Variants in GRIN2A observed in about 807,000 individuals in gnomAD.
The protein encoded by GRIN2A is glutamate ionotropic receptor NMDA type subunit 2A.
A neutral mutation model predicts 113.4 loss-of-function variants in GRIN2A; 22 were observed. That is an observed-to-expected ratio of 0.19 (90% CI 0.14 to 0.28). The LOEUF (loss-of-function observed/expected upper bound fraction) is 0.28, where lower values mean the gene tolerates loss of function less well. Ranked by LOEUF, GRIN2A falls within the 10% of genes least tolerant of loss-of-function variation. The probability of loss-of-function intolerance (pLI) is 1.00; values close to 1 mark genes in which losing one functional copy is unlikely to be tolerated. For synonymous variants in GRIN2A, 827 were observed against 738.4 expected, an observed-to-expected ratio of 1.12 and a Z score of -1.94; for missense variants, 1,502 against 1,887.0, an observed-to-expected ratio of 0.80 and a Z score of 3.78.
rs200499231 is a variant in GRIN2A at position 10,166,215 on chromosome 16, AAG to A, written c.414+13781_414+13782del. Among the ~76,000 whole-genome samples the A allele has an allele frequency of 4.2e-3, 639 of 152,344 alleles. 6 individuals carry two copies. Among genetic ancestry groups the A allele is most frequent in the African/African-American group, 0.014 (598 of 41,574 alleles). ...TTCCTGGGCAGGTATTCCTAATTTG[AAG>A]AGACAAGATAGAGCAGGAGACATTC... On this transcript the variant is annotated intron_variant, in intron 2 of 12. Transcript: ENST00000330684.
chr16:10,131,458 C>T (rs2049061876), intron 2 of GRIN2A, among the ~76,000 whole-genome samples: 1 of 145,064 alleles, frequency 6.9e-6, no homozygotes, highest in South Asian at 2.4e-4. Context: ...AGTCTCTTCT[C>T]ACCACTTATC....
At position 9,754,198 on chromosome 16, in the gene GRIN2A, T is replaced by C. The variant is rs1369258089; in HGVS notation, c.*8951A>G. On this transcript the variant is annotated 3_prime_UTR_variant, in exon 13 of 13. Coordinates refer to ENST00000330684, the MANE Select transcript of GRIN2A (RefSeq NM_001134407.3). Reference sequence around the variant, plus strand: ...TATACACATAAACATTCTGGGGTGATATAAACTATGGTGAATTCTGCCAAT... The same window carrying C: ...TATACACATAAACATTCTGGGGTGACATAAACTATGGTGAATTCTGCCAAT... 2 of 189,964 alleles carry C rather than the reference T, an allele frequency of 1.1e-5. No homozygotes were observed. The highest frequency in any genetic ancestry group is 4.7e-5 in the African/African-American group (2 of 42,968). The allele number at this position is 189,964 out of a possible 1,614,324, so 11.8% of individuals were successfully genotyped here.
At chr16:10,151,883 T>C (rs1379625339) in intron 2 of GRIN2A, among the ~76,000 whole-genome samples, 5 of 152,196 alleles carry the variant, frequency 3.3e-5, no homozygotes, top group Non-Finnish European at 7.3e-5. Flanking sequence ...ACCCTCCTCA[T>C]CTGACACTAC....
chr16:9,900,533 A>C (rs956151018), intron 3 of GRIN2A, among the ~76,000 whole-genome samples: 2 of 152,108 alleles, frequency 1.3e-5, no homozygotes, highest in African/African-American at 2.4e-5. Flanking sequence ...CCTCCTCCCA[A>C]CTCCACAGAG....
intron 9 of GRIN2A, among the ~76,000 whole-genome samples, chr16:9,826,482 C>T (rs574673561): frequency 7.2e-5 from 11 of 152,114 alleles, no homozygotes; most frequent in Non-Finnish European, 7.4e-5. Context: ...GGCTTAAAAG[C>T]ATTGTAAACC....
intron 2 of GRIN2A, among the ~76,000 whole-genome samples, chr16:10,144,945 G>C (rs1279360282): frequency 2.1e-4 from 26 of 123,282 alleles, no homozygotes; most frequent in African/African-American, 7.5e-4. Flanking sequence ...AAAAAAGAGA[G>C]ATGAATGAAT....
rs1247927782 is a variant in GRIN2A at position 10,180,559 on chromosome 16, G to T, written c.-18-130C>A. Reference sequence around the variant, plus strand: ...CAGCAGGATAGGCTGCTGGGATCACGGACTCCATTCCGAGTCCCCGACGCC... The same window carrying T: ...CAGCAGGATAGGCTGCTGGGATCACTGACTCCATTCCGAGTCCCCGACGCC... On this transcript the variant is annotated intron_variant, in intron 1 of 12. Coordinates refer to ENST00000330684, the MANE Select transcript of GRIN2A (RefSeq NM_001134407.3). The surrounding 1 kb of genome is among the most constrained non-coding windows in gnomAD (Gnocchi z 7.0). 2.0e-6 allele frequency: 3 copies of T among 1,482,358 alleles called. No individual in the cohort carries two copies. In the East Asian group the frequency reaches 7.4e-5, roughly 37 times the overall value. The allele number at this position is 1,482,358 out of a possible 1,614,324, so 91.8% of individuals were successfully genotyped here.
At position 9,822,332 on chromosome 16, in the gene GRIN2A, G is replaced by C; in HGVS notation, c.2100C>G (p.Tyr700Ter). ...TAAATTTGGTCATGTACTGATGCAT[G>C]TAGGGATAGTTATTCCGAATGTTTC... is the stretch of plus-strand genomic sequence containing the variant. ...TERNIRNNYP[Y>*]MHQYMTKFNQ... is the part of the protein sequence containing the mutation. Residue 700 changes from tyrosine to a stop codon, truncating the protein, a stop_gained, in exon 10 of 13, where the codon TAC (tyrosine) becomes TAG (stop). Transcript: ENST00000330684. LOFTEE classifies it high-confidence loss of function. 1 of 1,610,590 alleles carries C rather than the reference G, an allele frequency of 6.2e-7. No homozygotes were observed. Among genetic ancestry groups the C allele is most frequent in the Non-Finnish European group, 8.5e-7 (1 of 1,176,830 alleles).
intron 7 of GRIN2A, among the ~76,000 whole-genome samples, chr16:9,837,634 A>T (rs2042605313): frequency 6.6e-6 from 1 of 152,198 alleles, no homozygotes; most frequent in Non-Finnish European, 1.5e-5. Flanking sequence ...AACCTCCAGG[A>T]CAAAGGATTC....
At chr16:10,122,952 C>A (rs775785594) in intron 2 of GRIN2A, among the ~76,000 whole-genome samples, 2 of 152,162 alleles carry the variant, frequency 1.3e-5, no homozygotes, top group South Asian at 2.1e-4. Flanking sequence ...AAATAAAATT[C>A]TCTTTTTTAA....
At chr16:10,025,962 C>T (rs942444287) in intron 2 of GRIN2A, among the ~76,000 whole-genome samples, 15 of 152,204 alleles carry the variant, frequency 9.9e-5, no homozygotes, top group Admixed American at 2.6e-4. Flanking sequence ...CAGCGAGCTT[C>T]GTAGCCAGGG....
At chr16:9,944,597 A>C (rs934273627) in intron 2 of GRIN2A, among the ~76,000 whole-genome samples, 2 of 152,174 alleles carry the variant, frequency 1.3e-5, no homozygotes, top group Non-Finnish European at 2.9e-5. Context: ...TAAAGATTTT[A>C]ATCTGGATCG....
chr16:10,129,113 T>C (rs2049009233), intron 2 of GRIN2A, among the ~76,000 whole-genome samples: 1 of 152,192 alleles, frequency 6.6e-6, no homozygotes. Context: ...TCTCGCTCTG[T>C]TGCCCAGGCT....
intron 8 of GRIN2A, among the ~76,000 whole-genome samples, chr16:9,831,025 G>T (rs2042482629): frequency 2.0e-5 from 3 of 152,144 alleles, no homozygotes; most frequent in Non-Finnish European, 4.4e-5. Context: ...CCTGATTCAT[G>T]AATACTATGA....
chr16:10,039,305 C>T (rs184486606), intron 2 of GRIN2A, among the ~76,000 whole-genome samples: 1 of 152,180 alleles, frequency 6.6e-6, no homozygotes, highest in Admixed American at 6.5e-5. Context: ...AAGGCGAATG[C>T]GAATGTGCAT....
chr16:10,127,575 T>G (rs369699376), intron 2 of GRIN2A, among the ~76,000 whole-genome samples: 12 of 152,326 alleles, frequency 7.9e-5, no homozygotes, highest in Admixed American at 2.0e-4. Context: ...TATATTTATA[T>G]ATAAGAATAA....
intron 3 of GRIN2A, among the ~76,000 whole-genome samples, chr16:9,932,076 G>A (rs973845778): frequency 6.6e-6 from 1 of 152,324 alleles, no homozygotes; most frequent in East Asian, 1.9e-4. Context: ...CCTCTTGTTA[G>A]GTGCTGTGCT....
chr16:9,782,967 A>G (rs576140265), intron 11 of GRIN2A, among the ~76,000 whole-genome samples: 18 of 152,334 alleles, frequency 1.2e-4, no homozygotes, highest in African/African-American at 2.9e-4. Context: ...TTGCTAATCT[A>G]TGCTTAGAAC....
At position 9,779,475 on chromosome 16, in the gene GRIN2A, C is replaced by T. The variant is rs142027316; in HGVS notation, c.2357-10386G>A. Among the ~76,000 whole-genome samples, 122 of 151,552 alleles carry T rather than the reference C, an allele frequency of 8.1e-4. 1 individual carries two copies. The highest frequency in any genetic ancestry group is 2.5e-4 in the Non-Finnish European group (17 of 67,984). On this transcript the variant is annotated intron_variant, in intron 11 of 12. Transcript: ENST00000330684. ...TATACACAAGGAGCTTAATGGGCATCGGAGACTTAGTTGTGGAATGAAGAG... is the reference window on the plus strand; with the variant it reads ...TATACACAAGGAGCTTAATGGGCATTGGAGACTTAGTTGTGGAATGAAGAG...
Sources: gnomAD v4.1 joint callset for allele counts (sites outside exome capture counted in the v4.1 genomes callset) on GRCh38, gnomAD v4.1.1 for gene constraint, Gnocchi (gnomAD v3.1) non-coding constraint, MANE v1.5 for transcripts, NCBI Gene and HGNC (gene_info 2026-07-23, HGNC 2026-07-21) for gene names.